The following FOXN4 variants were observed in gnomAD, a reference collection of about 807,000 sequenced individuals.
FOXN4 encodes the protein forkhead box N4.
Under a neutral mutation model 45.0 loss-of-function variants are expected in FOXN4, and 12 were observed. The observed-to-expected ratio is 0.27, with a 90% CI of 0.17 to 0.43. The LOEUF is 0.43. Ranked by LOEUF, FOXN4 falls within the 20% of genes least tolerant of loss-of-function variation. The pLI, the probability that FOXN4 is intolerant of heterozygous loss-of-function variation, is 1.00. For synonymous variants in FOXN4, 297 were observed against 295.0 expected, an observed-to-expected ratio of 1.01 and a Z score of -0.07; for missense variants, 560 against 694.9, an observed-to-expected ratio of 0.81 and a Z score of 2.18.
chr12:109,284,869 CGTGT>C lies in FOXN4; in HGVS notation c.901+431_901+434del, dbSNP rs72368569. The stretch of plus-strand genomic sequence containing the variant: ...TGCCAGCCAGGTCCTTCCTCTTCTG[CGTGT>C]GTGTGTGCACGCATGTGTGTATTGG... On this transcript the variant is annotated intron_variant, in intron 8 of 9. Coordinates refer to ENST00000299162, the MANE Select transcript of FOXN4 (RefSeq NM_213596.3). Among the ~76,000 whole-genome samples the C allele has an allele frequency of 2.2e-3, 309 of 141,444 alleles. 2 individuals carry two copies. Among genetic ancestry groups the C allele is most frequent in the African/African-American group, 5.2e-3 (198 of 38,060 alleles). The allele number at this position is 141,444 out of a possible 152,430, so 92.8% of individuals were successfully genotyped here.
At position 109,281,513 on chromosome 12, in the gene FOXN4, G is replaced by A. The variant is rs1165340328; in HGVS notation, c.1188C>T (p.Pro396=). 1.2e-6 allele frequency: 2 copies of A among 1,613,798 alleles called. No individual in the cohort carries two copies. Among genetic ancestry groups the A allele is most frequent in the Non-Finnish European group, 1.7e-6 (2 of 1,179,876 alleles). The stretch of plus-strand genomic sequence containing the variant: ...CAGGAGCCCTTCCCATGGCGGGGTG[G>A]GGGAGCGGGCTGGGGCTGAGGTCCG... ...ALPDLSPSPL[P]HPAMGRAPVD... Residue 396 remains proline (P), a synonymous_variant, in exon 9 of 10, where the codon CCC becomes CCT. Coordinates refer to ENST00000299162, the MANE Select transcript of FOXN4 (RefSeq NM_213596.3).
Position 109,286,645 on chromosome 12 carries a change from C to A in FOXN4, c.693+3G>T. 6.2e-7 allele frequency: 1 copy of A among 1,606,558 alleles called. No individual in the cohort carries two copies. The highest frequency in any genetic ancestry group is 8.5e-7 in the Non-Finnish European group (1 of 1,177,974). ...AGCACCCCTACCCTAGCTTGGGACT[C>A]ACCTTGAAGTAGGGGAAGTGCTCCT... On this transcript the variant is annotated splice_donor_region_variant and intron_variant, in intron 7 of 9. Coordinates refer to ENST00000299162, the MANE Select transcript of FOXN4 (RefSeq NM_213596.3).
Position 109,290,367 on chromosome 12 carries a change from C to A in FOXN4, c.87-81G>T. 1 of 1,439,476 alleles carries A rather than the reference C, an allele frequency of 6.9e-7. No individual in the cohort carries two copies. The highest frequency in any genetic ancestry group is 9.2e-7 in the Non-Finnish European group (1 of 1,087,192). 89.2% of individuals were successfully genotyped at this position (1,439,476 alleles called of 1,614,324 possible). On this transcript the variant is annotated intron_variant, in intron 2 of 9. Coordinates refer to ENST00000299162, the MANE Select transcript of FOXN4 (RefSeq NM_213596.3). This position sits in a 1 kb window ranked among gnomAD's most constrained non-coding sequence, Gnocchi z 5.1. ...GGGTGCGTCCCGACCTCTGGAAGCA[C>A]CCGCTTAATGTGCCTCATCTCCCCA... is the stretch of plus-strand genomic sequence containing the variant.
intron 8 of FOXN4, among the ~76,000 whole-genome samples, chr12:109,283,673 A>G (rs2047674735): frequency 1.3e-5 from 2 of 151,976 alleles, no homozygotes; most frequent in South Asian, 4.2e-4. Context: ...ATGGGGTTTC[A>G]CCATGTTGGC....
intron 3 of FOXN4, among the ~76,000 whole-genome samples, chr12:109,289,440 G>A (rs1317999628): frequency 1.3e-4 from 20 of 152,144 alleles, no homozygotes; most frequent in Admixed American, 1.2e-3. Context: ...TACATGCTTT[G>A]CCCAAGAACG....
rs371391982 is a variant in FOXN4 at position 109,287,118 on chromosome 12, C to A, written c.596+279G>T. On this transcript the variant is annotated intron_variant, in intron 6 of 9. Transcript: ENST00000299162. The surrounding 1 kb of genome is among the most constrained non-coding windows in gnomAD (Gnocchi z 4.1). Reference sequence around the variant, plus strand: ...GATGACTTTTTACATTTGGGGAAATCGAGGCTCAGAGAGGTCATCCCACTT... The same window carrying A: ...GATGACTTTTTACATTTGGGGAAATAGAGGCTCAGAGAGGTCATCCCACTT... Among the ~76,000 whole-genome samples, 1 of 152,128 alleles carries A rather than the reference C, an allele frequency of 6.6e-6. No individual in the cohort carries two copies. The highest frequency in any genetic ancestry group is 2.4e-5 in the African/African-American group (1 of 41,420).
In FOXN4 at chr12:109,287,473, G is replaced by T. The variant is rs1443114334; in HGVS notation, c.520C>A (p.Pro174Thr). 2 of 1,550,680 alleles carry T rather than the reference G, an allele frequency of 1.3e-6. No individual in the cohort carries two copies. The highest frequency in any genetic ancestry group is 1.7e-6 in the Non-Finnish European group (2 of 1,146,458). The part of the protein sequence containing the change: ...GPPFGVRPPY[P>T]QPHVAVHSSQ... ...GAATGCACAGCCACGTGGGGCTGGG[G>T]GTAGGGGGGCCGCACCCCAAATGGG... Residue 174 changes from proline (P) to threonine (T), a missense_variant, in exon 6 of 10, where the codon CCC becomes ACC. Physicochemically the swap from Pro to Thr is conservative, Grantham distance 38 (BLOSUM62 -1). Transcript: ENST00000299162. This position sits in a 1 kb window ranked among gnomAD's most constrained non-coding sequence, Gnocchi z 4.1.
At chr12:109,294,906 C>T (rs1056626099) in intron 2 of FOXN4, among the ~76,000 whole-genome samples, 13 of 152,282 alleles carry the variant, frequency 8.5e-5, no homozygotes, top group Non-Finnish European at 1.6e-4. Flanking sequence ...CATGTGCCCT[C>T]GCCTCTCCTG....
intron 2 of FOXN4, among the ~76,000 whole-genome samples, chr12:109,304,257 A>G (rs1401528275): frequency 8.1e-5 from 8 of 98,822 alleles, no homozygotes; most frequent in African/African-American, 1.4e-4. Context: ...GAAAGAAAGA[A>G]AGAAAGAAAG....
rs2047626647 is a variant in FOXN4 at position 109,278,717 on chromosome 12, T to C, written c.*954A>G. ...GAAAGCCCCCCAAGCCCCCAAACAA[T>C]GGCACCGCCCCTCTTAGGTACATGC... is the stretch of plus-strand genomic sequence containing the variant. On this transcript the variant is annotated 3_prime_UTR_variant, in exon 10 of 10. Coordinates refer to ENST00000299162, the MANE Select transcript of FOXN4 (RefSeq NM_213596.3). The C allele has an allele frequency of 6.6e-6, 1 of 150,466 alleles. No individual in the cohort carries two copies. Among genetic ancestry groups the C allele is most frequent in the African/African-American group, 2.5e-5 (1 of 40,774 alleles). The allele number at this position is 150,466 out of a possible 1,614,324, so 9.3% of individuals were successfully genotyped here. A position where few individuals can be genotyped will look rare whatever the true frequency, so the allele number is the denominator to read the frequency against.
At chr12:109,302,001 C>T (rs1566004840) in intron 2 of FOXN4, among the ~76,000 whole-genome samples, 1 of 152,242 alleles carries the variant, frequency 6.6e-6, no homozygotes, top group Non-Finnish European at 1.5e-5. Flanking sequence ...CCCAGTTTTC[C>T]CTTCTCCTGA....
chr12:109,288,340 G>A lies in FOXN4; in HGVS notation c.233-160C>T, dbSNP rs2047735671. Among the ~76,000 whole-genome samples the A allele has an allele frequency of 6.6e-6, 1 of 152,208 alleles. No homozygotes were observed. The highest frequency in any genetic ancestry group is 1.5e-5 in the Non-Finnish European group (1 of 68,038). On this transcript the variant is annotated intron_variant, in intron 3 of 9. Coordinates refer to ENST00000299162, the MANE Select transcript of FOXN4 (RefSeq NM_213596.3). This position sits in a 1 kb window ranked among gnomAD's most constrained non-coding sequence, Gnocchi z 4.3. ...GCAAATCACTTCCCTGGTGTGTAGT[G>A]AAAAGTAGGTTCTTACCAGCTGTAT...
At chr12:109,308,107 C>T in intron 2 of FOXN4, 129 bp downstream of exon 2, 1 of 792,528 alleles carries the variant, frequency 1.3e-6, no homozygotes, top group Non-Finnish European at 1.9e-6. Flanking sequence ...CAAGACTTTC[C>T]AGCTCTCCCG....
intron 8 of FOXN4, among the ~76,000 whole-genome samples, chr12:109,283,648 G>T (rs2047674606): frequency 6.6e-6 from 1 of 151,902 alleles, no homozygotes; most frequent in African/African-American, 2.4e-5. Flanking sequence ...GCTAATTTTT[G>T]TATTTTTAGT....
rs531471429 is a variant in FOXN4, at chr12:109,291,154, G to A, written c.87-868C>T. Among the ~76,000 whole-genome samples, 4 of 152,204 alleles carry A rather than the reference G, an allele frequency of 2.6e-5. No individual in the cohort carries two copies. Among genetic ancestry groups the A allele is most frequent in the Middle Eastern group, 3.4e-3 (1 of 294 alleles). On this transcript the variant is annotated intron_variant, in intron 2 of 9. Coordinates refer to ENST00000299162, the MANE Select transcript of FOXN4 (RefSeq NM_213596.3). The surrounding 1 kb of genome is among the most constrained non-coding windows in gnomAD (Gnocchi z 6.6). ...GCAACAGATTCATGGGCAAAACATC[G>A]GTTGTAGTGGATGTAGGATAGCTGC...
At position 109,291,873 on chromosome 12, in the gene FOXN4, G is replaced by A. The variant is rs908458796; in HGVS notation, c.87-1587C>T. Among the ~76,000 whole-genome samples the A allele has an allele frequency of 5.3e-5, 8 of 152,098 alleles. No individual in the cohort carries two copies. Among genetic ancestry groups the A allele is most frequent in the African/African-American group, 1.7e-4 (7 of 41,406 alleles). ...CAAACGACTGTTGCCCCTGTGGCAC[G>A]TGGCCCCCATTGTCCCAGGGTCTCA... is the stretch of plus-strand genomic sequence containing the variant. On this transcript the variant is annotated intron_variant, in intron 2 of 9. Transcript: ENST00000299162. The surrounding 1 kb of genome is among the most constrained non-coding windows in gnomAD (Gnocchi z 6.6).
In FOXN4 at chr12:109,287,848, T is replaced by C. The variant is rs1385016208; in HGVS notation, c.464A>G (p.Gln155Arg). 6.5e-7 allele frequency: 1 copy of C among 1,549,354 alleles called. No individual in the cohort carries two copies. The highest frequency in any genetic ancestry group is 1.2e-5 in the South Asian group (1 of 83,958). The change falls in exon 5 of 10, where the codon CAG (glutamine) becomes CGG (arginine). Residue 155 changes from glutamine (Q) to arginine (R), a missense_variant. Coordinates refer to ENST00000299162, the MANE Select transcript of FOXN4 (RefSeq NM_213596.3). The surrounding 1 kb of genome is among the most constrained non-coding windows in gnomAD (Gnocchi z 4.1). ...QPQFPLPPGA[Q>R]QCPPVGLYGP... is the part of the protein sequence containing the mutation. ...GCTCCCCTGAGCCCTTGGTACCTGC[T>C]GGGCACCCGGGGGGAGCGGGAACTG...
At chr12:109,280,342 CAAAAAAAAAA>C (rs34879457) in intron 9 of FOXN4, among the ~76,000 whole-genome samples, 3 of 53,552 alleles carry the variant, frequency 5.6e-5, no homozygotes, top group East Asian at 5.7e-4. Context: ...GACTCCACCT[CAAAAAAAAAA>C]AAAAAAAAAA....
intron 2 of FOXN4, among the ~76,000 whole-genome samples, chr12:109,296,600 G>A (rs764497090): frequency 3.3e-5 from 5 of 152,160 alleles, no homozygotes; most frequent in Non-Finnish European, 7.4e-5. Flanking sequence ...TAAGGGTCTG[G>A]CAGGGAGGAG....
Sources: gnomAD v4.1 joint callset for allele counts (sites outside exome capture counted in the v4.1 genomes callset) on GRCh38, gnomAD v4.1.1 for gene constraint, Gnocchi (gnomAD v3.1) non-coding constraint, MANE v1.5 for transcripts, NCBI Gene and HGNC (gene_info 2026-07-23, HGNC 2026-07-21) for gene names.